Variants in KANK3 observed in about 807,000 individuals in gnomAD.
The protein encoded by KANK3 is KN motif and ankyrin repeat domain-containing protein 3.
Under a neutral mutation model 65.4 loss-of-function variants are expected in KANK3, and 61 were observed. That is an observed-to-expected ratio of 0.93 (90% CI 0.76 to 1.15). KANK3 has a LOEUF of 1.15. KANK3 is among the 50% of genes most tolerant of loss of function. The probability of loss-of-function intolerance (pLI) is 0.00; values close to 1 mark genes in which losing one functional copy is unlikely to be tolerated. For synonymous variants in KANK3, 586 were observed against 543.3 expected (o/e 1.08, Z -1.09); for missense variants, 1,187 against 1,178.8 (o/e 1.01, Z -0.10).
Position 8,322,838 on chromosome 19 carries a change from C to G in KANK3, c.*1G>C. ...AGGTGTAGTGAGCCAGACGAGGCAG[C>G]TTACTGAACCTGGGGGTTCTCTCCA... On this transcript the variant is annotated 3_prime_UTR_variant, in exon 11 of 11. Coordinates refer to ENST00000330915, the MANE Select transcript of KANK3 (RefSeq NM_198471.3). The G allele has an allele frequency of 6.2e-7, 1 of 1,604,900 alleles. No individual in the cohort carries two copies. The highest frequency in any genetic ancestry group is 8.5e-7 in the Non-Finnish European group (1 of 1,175,420).
In KANK3 at chr19:8,333,632, G is replaced by T; in HGVS notation, c.1719+92C>A. The T allele has an allele frequency of 9.5e-7, 1 of 1,056,708 alleles. No individual in the cohort carries two copies. The highest frequency in any genetic ancestry group is 1.3e-6 in the Non-Finnish European group (1 of 764,864). 65.5% of individuals were successfully genotyped at this position (1,056,708 alleles called of 1,614,324 possible). A position where few individuals can be genotyped will look rare whatever the true frequency, so the allele number is the denominator to read the frequency against. ...GTCAGGCGAGGTGCCTGGCGGGAAG[G>T]GATGGAACCCGGTGTGCTCCCCTAA... On this transcript the variant is annotated intron_variant, in intron 6 of 10. Coordinates refer to ENST00000330915, the MANE Select transcript of KANK3 (RefSeq NM_198471.3). The surrounding 1 kb of genome is among the most constrained non-coding windows in gnomAD (Gnocchi z 5.0).
intron 2 of KANK3, 23 bp downstream of exon 2, chr19:8,337,772 C>A (rs749667052): frequency 6.2e-7 from 1 of 1,611,770 alleles, no homozygotes; most frequent in Non-Finnish European, 8.5e-7. Flanking sequence ...CACACACACA[C>A]ATCTCTCTTT....
At chr19:8,334,297 C>T in intron 4 of KANK3, 23 bp downstream of exon 4, 3 of 1,613,358 alleles carry the variant, frequency 1.9e-6, no homozygotes, top group Non-Finnish European at 2.5e-6. Context: ...CAGAAGCTGC[C>T]ACAGGAGGGG....
At position 8,334,560 on chromosome 19, in the gene KANK3, A is replaced by C. The variant is rs775318392; in HGVS notation, c.1267T>G (p.Ser423Ala). The C allele has an allele frequency of 2.5e-6, 4 of 1,599,876 alleles. No homozygotes were observed. In the Admixed American group the frequency reaches 6.7e-5, roughly 27 times the overall value. Residue 423 changes from serine to alanine, a missense_variant, in exon 3 of 11, where the codon TCC becomes GCC. This residue lies in a region of KANK3 where 1,078 missense variants were observed against 1,038.2 expected (regional missense o/e 1.04). Coordinates refer to ENST00000330915, the MANE Select transcript of KANK3 (RefSeq NM_198471.3). ...AQTESPAEAP[S>A]LTQESSPGSM... Reference sequence around the variant, plus strand: ...CCGGGCGAGCTCTCCTGAGTCAAGGAGGGCGCCTCTGCCGGGGACTCGGTC... The same window carrying C: ...CCGGGCGAGCTCTCCTGAGTCAAGGCGGGCGCCTCTGCCGGGGACTCGGTC...
At chr19:8,323,391 CA>C (rs778136077) in intron 10 of KANK3, 1 of 154,776 alleles carries the variant, frequency 6.5e-6, no homozygotes, top group Non-Finnish European at 1.5e-5. Flanking sequence ...TTTATGCTAT[CA>C]TGAAGTCAAA....
At chr19:8,340,197 G>A (rs889063351) in intron 1 of KANK3, among the ~76,000 whole-genome samples, 1 of 139,086 alleles carries the variant, frequency 7.2e-6, no homozygotes, top group African/African-American at 2.7e-5. Context: ...GGGAGGCAGA[G>A]GTTGCAGTGA....
chr19:8,322,932 G>A lies in KANK3; in HGVS notation c.2383-10C>T. The A allele has an allele frequency of 7.1e-7, 1 of 1,415,172 alleles. No homozygotes were observed. The highest frequency in any genetic ancestry group is 9.5e-7 in the Non-Finnish European group (1 of 1,050,306). 87.7% of individuals were successfully genotyped at this position (1,415,172 alleles called of 1,614,324 possible). A position where few individuals can be genotyped will look rare whatever the true frequency, so the allele number is the denominator to read the frequency against. Reference sequence around the variant, plus strand: ...CAGGGGGTGACTCGCTCTGGAGAGAGGGGAAAAGAGGGGGGCCTGCTGCAA... The same window carrying A: ...CAGGGGGTGACTCGCTCTGGAGAGAAGGGAAAAGAGGGGGGCCTGCTGCAA... On this transcript the variant is annotated splice_polypyrimidine_tract_variant and intron_variant, in intron 10 of 10. Coordinates refer to ENST00000330915, the MANE Select transcript of KANK3 (RefSeq NM_198471.3).
chr19:8,334,299 C>A, intron 4 of KANK3, 21 bp downstream of exon 4: 1 of 1,613,484 alleles, frequency 6.2e-7, no homozygotes, highest in Non-Finnish European at 8.5e-7. Context: ...GAAGCTGCCA[C>A]AGGAGGGGAA....
In KANK3 at chr19:8,325,098, T is replaced by G. The variant is rs1970401370; in HGVS notation, c.1937-2A>C. The G allele has an allele frequency of 6.2e-7, 1 of 1,608,908 alleles. No homozygotes were observed. The highest frequency in any genetic ancestry group is 8.5e-7 in the Non-Finnish European group (1 of 1,178,390). On this transcript the variant is annotated splice_acceptor_variant, in intron 7 of 10. Coordinates refer to ENST00000330915, the MANE Select transcript of KANK3 (RefSeq NM_198471.3). LOFTEE classifies it high-confidence loss of function. ...TCTGGCGGTTGACCTCGCAGGCCCC[T>G]GGGAGAGAAAAGGGGGCCGTCCACG...
intron 7 of KANK3, among the ~76,000 whole-genome samples, chr19:8,326,172 T>C (rs1380502794): frequency 6.6e-6 from 1 of 152,036 alleles, no homozygotes; most frequent in Non-Finnish European, 1.5e-5. Context: ...GGCTCACGTC[T>C]GTAATCCCAG....
intron 7 of KANK3, among the ~76,000 whole-genome samples, chr19:8,330,894 A>G (rs762008147): frequency 6.6e-6 from 1 of 151,426 alleles, no homozygotes; most frequent in Non-Finnish European, 1.5e-5. Context: ...ACAGAGCAAG[A>G]TCTGTTCGAA....
chr19:8,340,841 TG>T (rs1970715094), intron 1 of KANK3, among the ~76,000 whole-genome samples: 1 of 152,068 alleles, frequency 6.6e-6, no homozygotes, highest in Non-Finnish European at 1.5e-5. Flanking sequence ...CTGCAAGGGG[TG>T]GATCAACAGG....
Position 8,333,159 on chromosome 19 carries a change from C to T in KANK3, c.1791G>A (p.Val597=). The change falls in exon 7 of 11, where the codon GTG becomes GTA. Residue 597 remains valine, a synonymous_variant. Coordinates refer to ENST00000330915, the MANE Select transcript of KANK3 (RefSeq NM_198471.3). The surrounding 1 kb of genome is among the most constrained non-coding windows in gnomAD (Gnocchi z 5.0). ...SSQRRSQAEP[V]ARMLEGVRRL... ...GCCTCACCCCTTCCAGCATCCTGGC[C>T]ACGGGCTCCGCCTGAGAGCGCCGCT... 1 of 1,613,060 alleles carries T rather than the reference C, an allele frequency of 6.2e-7. No homozygotes were observed. Among genetic ancestry groups the T allele is most frequent in the Middle Eastern group, 1.7e-4 (1 of 6,048 alleles).
intron 10 of KANK3, 71 bp from the exon 11 acceptor site, chr19:8,322,993 G>T: frequency 3.4e-6 from 3 of 874,176 alleles, no homozygotes; most frequent in Non-Finnish European, 3.4e-6. Flanking sequence ...TTCAGCCCCA[G>T]CCTCACTTAG....
In KANK3 at chr19:8,322,691, CCA is replaced by C. The variant is rs1970339912; in HGVS notation, c.*146_*147del. 1.3e-5 allele frequency: 8 copies of C among 634,636 alleles called. No individual in the cohort carries two copies. In the South Asian group the frequency reaches 1.6e-4, roughly 12 times the overall value. The allele number at this position is 634,636 out of a possible 1,614,324, so 39.3% of individuals were successfully genotyped here. On this transcript the variant is annotated 3_prime_UTR_variant, in exon 11 of 11. Coordinates refer to ENST00000330915, the MANE Select transcript of KANK3 (RefSeq NM_198471.3). ...TGGGGCCAGAGTGAGCCCCTTCCTG[CCA>C]CAGTCACCCCAACTGAAATTGCCTT...
intron 2 of KANK3, among the ~76,000 whole-genome samples, chr19:8,336,211 G>C (rs1014094415): frequency 1.3e-5 from 2 of 152,142 alleles, no homozygotes; most frequent in Non-Finnish European, 2.9e-5. Flanking sequence ...CGGCACAGGC[G>C]GATCACCTGA....
rs376598437 is a variant in KANK3 at position 8,324,617 on chromosome 19, T to G, written c.2283+13A>C. 1 of 1,613,414 alleles carries G rather than the reference T, an allele frequency of 6.2e-7. No homozygotes were observed. Among genetic ancestry groups the G allele is most frequent in the African/African-American group, 1.3e-5 (1 of 75,046 alleles). ...GCACCCCCCAAGATGCCAGCCCCATTGTGGGGTCTTACATTGTCCAGGATG... is the reference window on the plus strand; with the variant it reads ...GCACCCCCCAAGATGCCAGCCCCATGGTGGGGTCTTACATTGTCCAGGATG... On this transcript the variant is annotated intron_variant, in intron 9 of 10. Coordinates refer to ENST00000330915, the MANE Select transcript of KANK3 (RefSeq NM_198471.3).
chr19:8,332,235 T>TA (rs1970538784), intron 7 of KANK3, among the ~76,000 whole-genome samples: 1 of 151,906 alleles, frequency 6.6e-6, no homozygotes, highest in Non-Finnish European at 1.5e-5. Context: ...TGGAGTGCAG[T>TA]AGCACGATCT....
chr19:8,329,572 TG>T (rs1008797501), intron 7 of KANK3, among the ~76,000 whole-genome samples: 2 of 150,300 alleles, frequency 1.3e-5, no homozygotes, highest in African/African-American at 4.9e-5. Context: ...AGGAACTGAC[TG>T]GAACAGCCTA....
Sources: allele counts gnomAD v4.1 joint callset (sites outside exome capture counted in the v4.1 genomes callset), GRCh38; gene constraint gnomAD v4.1.1; regional missense constraint gnomAD v4.1.1; non-coding constraint Gnocchi (gnomAD v3.1); transcripts MANE v1.5; gene names NCBI Gene and HGNC (gene_info 2026-07-23, HGNC 2026-07-21).